Variants in DIAPH2 observed in about 807,000 individuals in gnomAD.
DIAPH2 encodes protein diaphanous homolog 2.
In DIAPH2, 35 loss-of-function variants were observed where a neutral mutation model predicts 92.7. That is an observed-to-expected ratio of 0.38 (90% CI 0.29 to 0.50). The LOEUF (loss-of-function observed/expected upper bound fraction) is 0.50. DIAPH2 is among the 20% of genes least tolerant of loss of function. The pLI is 0.94. For missense variants in DIAPH2, 701 were observed against 819.5 expected (o/e 0.86, Z 1.77); for synonymous variants, 301 against 280.4 (o/e 1.07, Z -0.73).
chrX:97,263,900 T>TTTTTTTTATTTA (rs1556013136), intron 23 of DIAPH2, among the ~76,000 whole-genome samples: 10 of 93,992 alleles, frequency 1.1e-4, no homozygotes, highest in African/African-American at 2.3e-4. Context: ...ACTGTTAGTT[T>TTTTTTTTATTTA]TTTATTTATT....
intron 10 of DIAPH2, among the ~76,000 whole-genome samples, chrX:96,936,069 A>G (rs1347805477): frequency 8.9e-6 from 1 of 112,088 alleles, no homozygotes; most frequent in African/African-American, 3.2e-5. Flanking sequence ...CTGGAAAACT[A>G]GAGCTAAAGC....
rs5903074 is a variant in DIAPH2, at chrX:97,315,666, A to ATT, written c.2845-32437_2845-32436dup. On this transcript the variant is annotated intron_variant, in intron 23 of 26. Coordinates refer to ENST00000324765, the MANE Select transcript of DIAPH2 (RefSeq NM_006729.5). ...TGGGTTTGAAAGTGTTCTTTTAACCATTTTTTTTTTTTTTAAACCACAGCT... is the reference window on the plus strand; with the variant it reads ...TGGGTTTGAAAGTGTTCTTTTAACCATTTTTTTTTTTTTTTTAAACCACAGCT... 1.6e-3 allele frequency among the ~76,000 whole-genome samples: 160 copies of ATT among 101,023 alleles called. 1 individual carries two copies. In the East Asian group the frequency reaches 0.021, roughly 13 times the overall value. 87.7% of individuals were successfully genotyped at this position (101,023 alleles called of 115,157 possible).
chrX:96,983,737 T>C (rs1286496599), intron 17 of DIAPH2, among the ~76,000 whole-genome samples: 2 of 111,768 alleles, frequency 1.8e-5, no homozygotes, highest in African/African-American at 6.5e-5. Flanking sequence ...GTATCAATAT[T>C]ATGGTGTCAT....
At chrX:97,445,401 C>T (rs1358581034) in intron 26 of DIAPH2, among the ~76,000 whole-genome samples, 2 of 110,445 alleles carry the variant, frequency 1.8e-5, no homozygotes, top group Admixed American at 1.9e-4. Context: ...TTATCTCCCT[C>T]GTAACACTGT....
At chrX:96,861,233 A>G (rs1012121645) in intron 4 of DIAPH2, among the ~76,000 whole-genome samples, 33 of 111,477 alleles carry the variant, frequency 3.0e-4, no homozygotes, top group African/African-American at 9.5e-4. Flanking sequence ...AAAAAAATCT[A>G]TTATCAGTAA....
chrX:96,908,851 G>A (rs899710480), intron 5 of DIAPH2, among the ~76,000 whole-genome samples: 7 of 111,579 alleles, frequency 6.3e-5, no homozygotes, highest in Admixed American at 1.9e-4. Context: ...CGCCCGCCTC[G>A]GCCTCCCAAA....
At chrX:96,891,325 C>G (rs962511474) in intron 5 of DIAPH2, among the ~76,000 whole-genome samples, 11 of 112,164 alleles carry the variant, frequency 9.8e-5, no homozygotes, top group African/African-American at 3.6e-4. Flanking sequence ...ATGTTTACAA[C>G]TCTATTTAAC....
At chrX:96,787,757 C>G (rs2064468724) in intron 4 of DIAPH2, among the ~76,000 whole-genome samples, 2 of 91,565 alleles carry the variant, frequency 2.2e-5, no homozygotes, top group African/African-American at 8.4e-5. Context: ...GTGGCATGAT[C>G]TTGGCTTACT....
intron 1 of DIAPH2, among the ~76,000 whole-genome samples, chrX:96,712,277 T>G (rs1349557412): frequency 1.8e-5 from 2 of 111,683 alleles, no homozygotes; most frequent in Non-Finnish European, 3.8e-5. Flanking sequence ...CTTTTGTGGA[T>G]TTTTTATATA....
intron 22 of DIAPH2, among the ~76,000 whole-genome samples, chrX:97,165,845 A>G (rs2067408420): frequency 9.0e-6 from 1 of 111,016 alleles, no homozygotes; most frequent in Admixed American, 9.6e-5. Flanking sequence ...AAAAGGCACA[A>G]GGTATTCTGC....
At chrX:96,780,734 A>G (rs1397471299) in intron 4 of DIAPH2, among the ~76,000 whole-genome samples, 2 of 109,818 alleles carry the variant, frequency 1.8e-5, no homozygotes, top group African/African-American at 3.3e-5. Context: ...CGCCCGCCTC[A>G]GCCTCCCAAA....
chrX:96,765,193 G>GTTT (rs142407154), intron 4 of DIAPH2, among the ~76,000 whole-genome samples: 109 of 83,215 alleles, frequency 1.3e-3, no homozygotes, highest in Middle Eastern at 6.6e-3. Flanking sequence ...ATATTCACAT[G>GTTT]TTTTTTTTTT....
At chrX:97,133,616 A>G (rs148905319) in intron 21 of DIAPH2, among the ~76,000 whole-genome samples, 2 of 112,240 alleles carry the variant, frequency 1.8e-5, no homozygotes, top group East Asian at 5.6e-4. Flanking sequence ...CCACTCTGCA[A>G]CTGAGGTCAG....
intron 4 of DIAPH2, among the ~76,000 whole-genome samples, chrX:96,770,142 G>A (rs769128770): frequency 2.8e-5 from 3 of 108,793 alleles, no homozygotes; most frequent in African/African-American, 6.7e-5. Flanking sequence ...AGGTTGCAGT[G>A]AGCCGAGATG....
intron 23 of DIAPH2, among the ~76,000 whole-genome samples, chrX:97,249,508 A>G (rs906795013): frequency 8.9e-6 from 1 of 112,044 alleles, no homozygotes; most frequent in South Asian, 3.7e-4. Context: ...AAAGAAACAA[A>G]ATAAAATACA....
chrX:97,423,695 C>T (rs1038877549), intron 25 of DIAPH2, among the ~76,000 whole-genome samples: 2 of 111,607 alleles, frequency 1.8e-5, no homozygotes, highest in African/African-American at 6.5e-5. Context: ...TAGAAAGTTG[C>T]TTCTAAAGTG....
At chrX:97,502,986 A>G (rs1198198440) in intron 26 of DIAPH2, among the ~76,000 whole-genome samples, 1 of 112,257 alleles carries the variant, frequency 8.9e-6, no homozygotes, top group Non-Finnish European at 1.9e-5. Context: ...ACCATTTTGC[A>G]GGAAAATATT....
chrX:96,769,922 G>A (rs1369002259), intron 4 of DIAPH2, among the ~76,000 whole-genome samples: 1 of 112,119 alleles, frequency 8.9e-6, no homozygotes, highest in East Asian at 2.8e-4. Flanking sequence ...ACATGGCTGG[G>A]CGCCGTGGCT....
At position 97,085,342 on chromosome X, in the gene DIAPH2, T is replaced by A. The variant is rs1456559377; in HGVS notation, c.2247+10081T>A. On this transcript the variant is annotated intron_variant, in intron 19 of 26. Transcript: ENST00000324765. The stretch of plus-strand genomic sequence containing the variant: ...ATGACCTTTTCTGAAGTTTTGGCAG[T>A]AGAAGAATATAGAAATCAAAGTACC... 1.2e-4 allele frequency among the ~76,000 whole-genome samples: 13 copies of A among 111,976 alleles called. No homozygotes were observed. In the Admixed American group the frequency reaches 1.2e-3, roughly 11 times the overall value.
Sources: allele counts gnomAD v4.1 joint callset (sites outside exome capture counted in the v4.1 genomes callset), GRCh38; gene constraint gnomAD v4.1.1; transcripts MANE v1.5; gene names NCBI Gene and HGNC (gene_info 2026-07-23, HGNC 2026-07-21).